The following MYO5B variants were observed in gnomAD, a reference collection of about 807,000 sequenced individuals.
MYO5B encodes the protein unconventional myosin-Vb.
A neutral mutation model predicts 229.3 loss-of-function variants in MYO5B; 143 were observed. The observed-to-expected ratio is 0.62, with a 90% CI of 0.54 to 0.72. The LOEUF is 0.72. Ranked by LOEUF, MYO5B falls within the 30% of genes least tolerant of loss-of-function variation. The pLI, the probability that MYO5B is intolerant of heterozygous loss-of-function variation, is 0.00. For synonymous variants in MYO5B, 918 were observed against 885.2 expected, an observed-to-expected ratio of 1.04 and a Z score of -0.66; for missense variants, 2,321 against 2,331.0, an observed-to-expected ratio of 1.00 and a Z score of 0.09.
chr18:49,887,500 C>T (rs549746356), intron 22 of MYO5B, among the ~76,000 whole-genome samples: 1 of 152,100 alleles, frequency 6.6e-6, no homozygotes, highest in African/African-American at 2.4e-5. Context: ...ACATGTGGCA[C>T]CTCCCCGCTC....
intron 1 of MYO5B, among the ~76,000 whole-genome samples, chr18:50,059,613 A>G (rs1286583120): frequency 1.3e-5 from 2 of 152,238 alleles, no homozygotes; most frequent in South Asian, 2.1e-4. Context: ...CGTGGAACAC[A>G]TTGAGATTAT....
rs147932017 is a variant in MYO5B at position 50,130,840 on chromosome 18, G to T, written c.27+63927C>A. On this transcript the variant is annotated intron_variant, in intron 1 of 39. Transcript: ENST00000285039. ...GCACTGCTAACAGGAAATGGGTAAG[G>T]AATCCCGAATAAGCTCATCTCTCAG... is the stretch of plus-strand genomic sequence containing the variant. Among the ~76,000 whole-genome samples the T allele has an allele frequency of 9.7e-4, 148 of 152,272 alleles. 2 individuals carry two copies. The East Asian group carries it at 0.019, about 20-fold the overall frequency.
chr18:50,099,678 G>A (rs1282808200), intron 1 of MYO5B, among the ~76,000 whole-genome samples: 1 of 152,200 alleles, frequency 6.6e-6, no homozygotes, highest in Non-Finnish European at 1.5e-5. Context: ...GGAGCTTTGA[G>A]CTGCTTTTAA....
In MYO5B at chr18:49,992,438, A is replaced by G. The variant is rs1335142983; in HGVS notation, c.613-7T>C. ...TCTTGGCATTTCCAATGGCCTGCAC[A>G]GACCAGACAGACAAAGGTATGAAAA... On this transcript the variant is annotated splice_polypyrimidine_tract_variant and splice_region_variant and intron_variant, in intron 5 of 39. Coordinates refer to ENST00000285039, the MANE Select transcript of MYO5B (RefSeq NM_001080467.3). The G allele has an allele frequency of 1.5e-5, 25 of 1,614,010 alleles. No individual in the cohort carries two copies. Among genetic ancestry groups the G allele is most frequent in the Non-Finnish European group, 2.0e-5 (24 of 1,180,000 alleles).
chr18:49,872,735 G>A (rs2024470540), intron 26 of MYO5B, among the ~76,000 whole-genome samples: 1 of 152,116 alleles, frequency 6.6e-6, no homozygotes, highest in South Asian at 2.1e-4. Flanking sequence ...ACACCACGAT[G>A]GCCAAAAACA....
At chr18:49,928,353 T>C (rs931322070) in intron 17 of MYO5B, among the ~76,000 whole-genome samples, 1 of 152,234 alleles carries the variant, frequency 6.6e-6, no homozygotes, top group African/African-American at 2.4e-5. Context: ...AGAGTAGATC[T>C]ACCATTTGGG....
At chr18:49,902,477 C>T (rs1009074002) in intron 21 of MYO5B, 117 bp downstream of exon 21, 88 of 1,407,984 alleles carry the variant, frequency 6.3e-5, no homozygotes, top group African/African-American at 2.3e-4. Flanking sequence ...GGTCTGAGGA[C>T]GTCTGTGCTC....
At chr18:50,185,273 A>G (rs1197681303) in intron 1 of MYO5B, among the ~76,000 whole-genome samples, 1 of 151,748 alleles carries the variant, frequency 6.6e-6, no homozygotes, top group African/African-American at 2.4e-5. Flanking sequence ...TAAAACATTT[A>G]GTATGAATAA....
At chr18:50,078,095 C>A (rs1008268631) in intron 1 of MYO5B, among the ~76,000 whole-genome samples, 10 of 152,184 alleles carry the variant, frequency 6.6e-5, no homozygotes, top group African/African-American at 2.4e-4. Flanking sequence ...ATTCCCTTTA[C>A]CCTAAGTGAA....
chr18:50,191,642 C>T (rs902408254), intron 1 of MYO5B, among the ~76,000 whole-genome samples: 3 of 151,744 alleles, frequency 2.0e-5, no homozygotes, highest in Non-Finnish European at 2.9e-5. Flanking sequence ...ACTAGGGCTC[C>T]GAAGATTAAG....
At chr18:49,905,933 A>G (rs573523632) in intron 19 of MYO5B, among the ~76,000 whole-genome samples, 1 of 152,210 alleles carries the variant, frequency 6.6e-6, no homozygotes, top group Admixed American at 6.5e-5. Context: ...CTGCTTAGAC[A>G]AGCCACTCTC....
intron 10 of MYO5B, among the ~76,000 whole-genome samples, chr18:49,964,402 T>A (rs2025598596): frequency 6.6e-6 from 1 of 152,222 alleles, no homozygotes; most frequent in Non-Finnish European, 1.5e-5. Flanking sequence ...GTGATGCATT[T>A]TTGATAGAGA....
chr18:50,022,126 T>C (rs896118694), intron 4 of MYO5B, among the ~76,000 whole-genome samples: 1 of 131,866 alleles, frequency 7.6e-6, no homozygotes, highest in South Asian at 2.8e-4. Context: ...AGTCAGCAAA[T>C]AGAACTTCCA....
intron 1 of MYO5B, among the ~76,000 whole-genome samples, chr18:50,183,335 ATATC>A (rs1220461096): frequency 1.4e-4 from 19 of 138,652 alleles, no homozygotes; most frequent in East Asian, 6.1e-4. Context: ...ATATATATAT[ATATC>A]TCCTTCAATA....
intron 12 of MYO5B, among the ~76,000 whole-genome samples, chr18:49,961,558 T>C (rs2025559442): frequency 6.6e-6 from 1 of 152,262 alleles, no homozygotes; most frequent in Non-Finnish European, 1.5e-5. Flanking sequence ...GCAAGAATCA[T>C]GTGGCTTTTA....
chr18:50,072,202 A>T (rs17801986), intron 1 of MYO5B, among the ~76,000 whole-genome samples: 8 of 152,162 alleles, frequency 5.3e-5, no homozygotes, highest in Admixed American at 2.6e-4. Flanking sequence ...ATTAGAGTAT[A>T]TATGCAACTT....
At chr18:50,096,246 C>T (rs72917866) in intron 1 of MYO5B, among the ~76,000 whole-genome samples, 1 of 152,110 alleles carries the variant, frequency 6.6e-6, no homozygotes, top group Non-Finnish European at 1.5e-5. Flanking sequence ...CACTGGGCTG[C>T]AACTAGGCAT....
chr18:50,100,230 G>T (rs1236084316), intron 1 of MYO5B, among the ~76,000 whole-genome samples: 2 of 152,196 alleles, frequency 1.3e-5, no homozygotes, highest in East Asian at 1.9e-4. Flanking sequence ...GTTTCACTTT[G>T]TCATGGTTAA....
chr18:49,977,773 A>T (rs2025767966), intron 9 of MYO5B, among the ~76,000 whole-genome samples: 2 of 152,182 alleles, frequency 1.3e-5, no homozygotes, highest in South Asian at 4.1e-4. Flanking sequence ...CTTAAGGTCC[A>T]CTCAGGCTAT....
Sources: allele counts gnomAD v4.1 joint callset (sites outside exome capture counted in the v4.1 genomes callset), GRCh38; gene constraint gnomAD v4.1.1; transcripts MANE v1.5; gene names NCBI Gene and HGNC (gene_info 2026-07-23, HGNC 2026-07-21).